Variants in STAG1 observed in about 807,000 individuals in gnomAD.
STAG1 encodes the protein STAG1 cohesin complex component, also known as cohesin subunit SA-1.
Under a neutral mutation model 170.9 loss-of-function variants are expected in STAG1, and 26 were observed. The ratio of observed to expected loss-of-function variants is 0.15; its 90% CI spans 0.11 to 0.21. The LOEUF (loss-of-function observed/expected upper bound fraction) is 0.21, where lower values mean the gene tolerates loss of function less well. Ranked by LOEUF, STAG1 falls within the 10% of genes least tolerant of loss-of-function variation. The pLI is 1.00. For synonymous variants in STAG1, 514 were observed against 497.7 expected, an observed-to-expected ratio of 1.03 and a Z score of -0.44; for missense variants, 964 against 1,509.5, an observed-to-expected ratio of 0.64 and a Z score of 5.99.
At chr3:136,338,536 T>A in intron 32 of STAG1, 86 bp from the exon 33 acceptor site, 1 of 977,232 alleles carries the variant, frequency 1.0e-6, no homozygotes, top group Non-Finnish European at 1.6e-6. Context: ...TCTGACAGTA[T>A]CATAAATATA....
intron 6 of STAG1, among the ~76,000 whole-genome samples, chr3:136,528,037 C>G (rs1935150798): frequency 6.6e-6 from 1 of 152,128 alleles, no homozygotes; most frequent in Non-Finnish European, 1.5e-5. Context: ...GGGTCAGGGA[C>G]CCACCTGAGG....
chr3:136,473,663 A>G, intron 10 of STAG1, 26 bp from the exon 11 acceptor site: 2 of 1,553,088 alleles, frequency 1.3e-6, no homozygotes, highest in Non-Finnish European at 1.8e-6. Flanking sequence ...TAAAAGCACA[A>G]CAGAAGGAGT....
rs144389503 is a variant in STAG1 at position 136,403,180 on chromosome 3, T to C, written c.2197-4351A>G. ...GAGGCAGAGGTTTTATGAGTCAAGA[T>C]CACACCAATGCACTCTAGCCTGGGC... is the stretch of plus-strand genomic sequence containing the variant. On this transcript the variant is annotated intron_variant, in intron 21 of 33. Coordinates refer to ENST00000383202, the MANE Select transcript of STAG1 (RefSeq NM_005862.3). Among the ~76,000 whole-genome samples the C allele has an allele frequency of 6.4e-4, 74 of 114,832 alleles. No homozygotes were observed. In the East Asian group the frequency reaches 0.015, roughly 23 times the overall value. The allele number at this position is 114,832 out of a possible 152,430, so 75.3% of individuals were successfully genotyped here. A position where few individuals can be genotyped will look rare whatever the true frequency, so the allele number is the denominator to read the frequency against.
At position 136,392,433 on chromosome 3, in the gene STAG1, C is replaced by T. The variant is rs2087033369; in HGVS notation, c.2277+6316G>A. 2.6e-5 allele frequency among the ~76,000 whole-genome samples: 4 copies of T among 151,940 alleles called. No homozygotes were observed. The South Asian group carries it at 8.3e-4, about 32-fold the overall frequency. ...ATAAAAATTGAAAGTACATTGTAAT[C>T]TCAATAAAATTACAAATATATTAAA... On this transcript the variant is annotated intron_variant, in intron 22 of 33. Transcript: ENST00000383202.
chr3:136,469,999 G>C (rs1432488665), intron 12 of STAG1, among the ~76,000 whole-genome samples: 1 of 152,154 alleles, frequency 6.6e-6, no homozygotes, highest in Non-Finnish European at 1.5e-5. Context: ...ATGGATTAAA[G>C]ACTTCAATGT....
chr3:136,734,579 C>T (rs966038066), intron 1 of STAG1, among the ~76,000 whole-genome samples: 3 of 152,136 alleles, frequency 2.0e-5, no homozygotes, highest in African/African-American at 7.2e-5. Flanking sequence ...TCTATTGTTA[C>T]GTGGGGCAGC....
Position 136,367,207 on chromosome 3 carries a change from A to G in STAG1, c.2546-125T>C, listed in dbSNP as rs905916223. The G allele has an allele frequency of 2.2e-5, 17 of 763,400 alleles. No homozygotes were observed. In the African/African-American group the frequency reaches 2.8e-4, roughly 12 times the overall value. The allele number at this position is 763,400 out of a possible 1,614,324, so 47.3% of individuals were successfully genotyped here. A position where few individuals can be genotyped will look rare whatever the true frequency, so the allele number is the denominator to read the frequency against. ...TTCACAAATAGTACAATTCAGTTTT[A>G]GATGGGACAAAAACTGTTACATTAA... is the stretch of plus-strand genomic sequence containing the variant. On this transcript the variant is annotated intron_variant, in intron 24 of 33. Transcript: ENST00000383202.
rs182800690 is a variant in STAG1, at chr3:136,526,428, T to G, written c.472-5011A>C. Among the ~76,000 whole-genome samples the G allele has an allele frequency of 8.0e-3, 1,215 of 152,282 alleles. 22 individuals carry two copies. Among genetic ancestry groups the G allele is most frequent in the African/African-American group, 0.027 (1,119 of 41,556 alleles). ...GACTAGGATTGCAACCCCTGCCTTTTTTTGTTTTCCATTTGCTTGGTAGAT... is the reference window on the plus strand; with the variant it reads ...GACTAGGATTGCAACCCCTGCCTTTGTTTGTTTTCCATTTGCTTGGTAGAT... On this transcript the variant is annotated intron_variant, in intron 6 of 33. Coordinates refer to ENST00000383202, the MANE Select transcript of STAG1 (RefSeq NM_005862.3).
At chr3:136,398,426 A>C (rs1361750620) in intron 22 of STAG1, among the ~76,000 whole-genome samples, 1 of 151,942 alleles carries the variant, frequency 6.6e-6, no homozygotes, top group East Asian at 1.9e-4. Flanking sequence ...CCTCAATGTT[A>C]TTCTTTTTAA....
intron 7 of STAG1, among the ~76,000 whole-genome samples, chr3:136,506,192 A>C (rs971328565): frequency 6.6e-6 from 1 of 152,222 alleles, no homozygotes; most frequent in African/African-American, 2.4e-5. Flanking sequence ...AAATAGGAGC[A>C]GTGAGGCAGA....
intron 1 of STAG1, among the ~76,000 whole-genome samples, chr3:136,702,676 A>G (rs908386556): frequency 1.1e-4 from 17 of 152,148 alleles, no homozygotes; most frequent in African/African-American, 4.1e-4. Flanking sequence ...GTGAGCCACC[A>G]TGCCCTGCCT....
chr3:136,420,244 C>CAAAAA (rs71157379), intron 20 of STAG1, among the ~76,000 whole-genome samples: 5 of 36,922 alleles, frequency 1.4e-4, no homozygotes, highest in Admixed American at 8.3e-4. Flanking sequence ...GAGACTCTGT[C>CAAAAA]AAAAAAAAAA....
At chr3:136,475,138 C>CTTTTTTTTTTTTTTTTTTTTT (rs10686674) in intron 10 of STAG1, among the ~76,000 whole-genome samples, 1 of 76,002 alleles carries the variant, frequency 1.3e-5, no homozygotes, top group Non-Finnish European at 2.3e-5. Flanking sequence ...TTATAGGTTC[C>CTTTTTTTTTTTTTTTTTTTTT]TTTTTTTTTT....
At chr3:136,579,970 T>C (rs1937556428) in intron 4 of STAG1, among the ~76,000 whole-genome samples, 1 of 125,950 alleles carries the variant, frequency 7.9e-6, no homozygotes, top group East Asian at 2.1e-4. Context: ...TTTTTTTTTT[T>C]TTTTTTTTTT....
intron 3 of STAG1, among the ~76,000 whole-genome samples, chr3:136,616,247 C>A (rs1011203104): frequency 6.8e-6 from 1 of 146,922 alleles, no homozygotes; most frequent in African/African-American, 2.5e-5. Context: ...CCAGCCTGGG[C>A]GACAGAGCAA....
intron 1 of STAG1, among the ~76,000 whole-genome samples, chr3:136,731,349 C>T (rs552674181): frequency 2.6e-5 from 4 of 152,224 alleles, no homozygotes; most frequent in Admixed American, 6.5e-5. Context: ...AAGCACTCTC[C>T]TCTGGGCAGG....
chr3:136,750,334 A>G (rs1332362064), intron 1 of STAG1, among the ~76,000 whole-genome samples: 1 of 152,134 alleles, frequency 6.6e-6, no homozygotes, highest in Non-Finnish European at 1.5e-5. Context: ...AGAGATAAAG[A>G]AAGTAAGGCT....
At chr3:136,484,848 C>T (rs1213701477) in intron 9 of STAG1, among the ~76,000 whole-genome samples, 12 of 151,690 alleles carry the variant, frequency 7.9e-5, no homozygotes. Context: ...TTTCCAGGTG[C>T]GTCTGTCACC....
rs1349380219 is a variant in STAG1, at chr3:136,477,504, G to A, written c.903-92C>T. On this transcript the variant is annotated intron_variant, in intron 9 of 33. Coordinates refer to ENST00000383202, the MANE Select transcript of STAG1 (RefSeq NM_005862.3). Reference sequence around the variant, plus strand: ...TCCATAAGCAATAAATATTTCTAATGCTGTTTGTATATATTTGCATTCTGA... The same window carrying A: ...TCCATAAGCAATAAATATTTCTAATACTGTTTGTATATATTTGCATTCTGA... 8 of 1,213,178 alleles carry A rather than the reference G, an allele frequency of 6.6e-6. No individual in the cohort carries two copies. In the South Asian group the frequency reaches 1.2e-4, roughly 18 times the overall value. 75.2% of individuals were successfully genotyped at this position (1,213,178 alleles called of 1,614,324 possible). A position where few individuals can be genotyped will look rare whatever the true frequency, so the allele number is the denominator to read the frequency against.
Sources: gnomAD v4.1 joint callset for allele counts (sites outside exome capture counted in the v4.1 genomes callset) on GRCh38, gnomAD v4.1.1 for gene constraint, MANE v1.5 for transcripts, NCBI Gene and HGNC (gene_info 2026-07-23, HGNC 2026-07-21) for gene names.